SLC25A21: variants seen among roughly 807,000 people sequenced by gnomAD.
SLC25A21 encodes the protein mitochondrial 2-oxodicarboxylate carrier.
In SLC25A21, 47 loss-of-function variants were observed where a neutral mutation model predicts 43.8. That is an observed-to-expected ratio of 1.07 (90% CI 0.85 to 1.37). The LOEUF (loss-of-function observed/expected upper bound fraction) is 1.37, where lower values mean the gene tolerates loss of function less well. Among genes scored for constraint, SLC25A21 ranks in the 40% most tolerant of loss-of-function variants. SLC25A21 has a pLI of 0.00. For synonymous variants in SLC25A21, 131 were observed against 121.3 expected, an observed-to-expected ratio of 1.08 and a Z score of -0.52; for missense variants, 352 against 350.2, an observed-to-expected ratio of 1.00 and a Z score of -0.04.
At chr14:36,683,167 G>A (rs776979350) in intron 9 of SLC25A21, among the ~76,000 whole-genome samples, 12 of 152,330 alleles carry the variant, frequency 7.9e-5, no homozygotes, top group Non-Finnish European at 1.2e-4. Flanking sequence ...ATTTGCCCTG[G>A]CGGTTGAGTC....
At chr14:36,748,091 G>C (rs1436716745) in intron 3 of SLC25A21, among the ~76,000 whole-genome samples, 1 of 152,226 alleles carries the variant, frequency 6.6e-6, no homozygotes, top group African/African-American at 2.4e-5. Flanking sequence ...GAAACAGCTA[G>C]TAAGTGATGG....
intron 1 of SLC25A21, among the ~76,000 whole-genome samples, chr14:37,026,594 A>G (rs1253601451): frequency 6.6e-6 from 1 of 152,202 alleles, no homozygotes; most frequent in Non-Finnish European, 1.5e-5. Context: ...TATGTGAAGG[A>G]AAACAAAGTG....
At chr14:36,965,650 G>A (rs988403941) in intron 1 of SLC25A21, among the ~76,000 whole-genome samples, 1 of 152,038 alleles carries the variant, frequency 6.6e-6, no homozygotes, top group South Asian at 2.1e-4. Context: ...GAATATTCTG[G>A]AGTGAGTTCA....
At chr14:36,961,366 C>T (rs557092116) in intron 1 of SLC25A21, among the ~76,000 whole-genome samples, 13 of 152,138 alleles carry the variant, frequency 8.5e-5, no homozygotes, top group African/African-American at 2.9e-4. Context: ...TGCCTGCCAC[C>T]GCGCCCAGCT....
chr14:36,732,800 G>C (rs893049603), intron 4 of SLC25A21, among the ~76,000 whole-genome samples: 4 of 152,076 alleles, frequency 2.6e-5, no homozygotes, highest in Admixed American at 2.6e-4. Flanking sequence ...TTCATAAATT[G>C]TGTTGAAAAA....
chr14:36,731,878 C>T (rs1884840128), intron 4 of SLC25A21, among the ~76,000 whole-genome samples: 1 of 152,276 alleles, frequency 6.6e-6, no homozygotes, highest in South Asian at 2.1e-4. Flanking sequence ...TCCTTCTCAA[C>T]CCAGGGAGTC....
chr14:37,160,469 A>G (rs752105469), intron 1 of SLC25A21, among the ~76,000 whole-genome samples: 7 of 152,210 alleles, frequency 4.6e-5, no homozygotes, highest in Non-Finnish European at 7.3e-5. Flanking sequence ...GCCAGGCACA[A>G]AAAGACAAAT....
intron 1 of SLC25A21, among the ~76,000 whole-genome samples, chr14:37,013,085 T>G (rs1960768239): frequency 6.6e-6 from 1 of 152,148 alleles, no homozygotes. Context: ...ATAATTGGAG[T>G]AGCATTTGAA....
chr14:36,689,006 G>A (rs1205414320), intron 7 of SLC25A21, among the ~76,000 whole-genome samples: 1 of 152,200 alleles, frequency 6.6e-6, no homozygotes, highest in African/African-American at 2.4e-5. Context: ...GAAATTCGAA[G>A]CAATGCTTCT....
chr14:36,777,225 T>G (rs1173318100), intron 3 of SLC25A21, among the ~76,000 whole-genome samples: 1 of 152,098 alleles, frequency 6.6e-6, no homozygotes, highest in African/African-American at 2.4e-5. Flanking sequence ...GCCACTGCAC[T>G]TCCGCATGGG....
chr14:36,720,611 C>G (rs1360948633), intron 6 of SLC25A21, among the ~76,000 whole-genome samples: 5 of 152,216 alleles, frequency 3.3e-5, no homozygotes, highest in Non-Finnish European at 5.9e-5. Flanking sequence ...ACTGAAAAGG[C>G]TGAAAATGAG....
chr14:36,874,987 G>T lies in SLC25A21; in HGVS notation c.88C>A (p.Leu30Met). 1 of 1,608,358 alleles carries T rather than the reference G, an allele frequency of 6.2e-7. No homozygotes were observed. Among genetic ancestry groups the T allele is most frequent in the Non-Finnish European group, 8.5e-7 (1 of 1,177,892 alleles). Reference sequence around the variant, plus strand: ...TTCACCACATCTAGGGGGTGCATCAGGCAAATTTCTACAAGACCTGAAAGA... The same window carrying T: ...TTCACCACATCTAGGGGGTGCATCATGCAAATTTCTACAAGACCTGAAAGA... ...GGSAGLVEIC[L>M]MHPLDVVKTR... Residue 30 changes from leucine (L) to methionine (M), a missense_variant, in exon 2 of 10, where the codon CTG becomes ATG. Physicochemically the swap from Leu to Met is conservative, Grantham distance 15. Coordinates refer to ENST00000331299, the MANE Select transcript of SLC25A21 (RefSeq NM_030631.4).
intron 1 of SLC25A21, among the ~76,000 whole-genome samples, chr14:36,908,359 T>TA (rs1383498570): frequency 6.6e-6 from 1 of 152,110 alleles, no homozygotes; most frequent in African/African-American, 2.4e-5. Context: ...AAAACTTCCC[T>TA]AAAAAGTCAT....
chr14:36,838,658 G>T (rs932587744), intron 2 of SLC25A21, among the ~76,000 whole-genome samples: 25 of 152,274 alleles, frequency 1.6e-4, no homozygotes, highest in Admixed American at 5.2e-4. Flanking sequence ...GGGAGTGGGG[G>T]AAATGTTGAT....
intron 1 of SLC25A21, among the ~76,000 whole-genome samples, chr14:37,027,450 G>A (rs1412415728): frequency 6.6e-6 from 1 of 152,104 alleles, no homozygotes; most frequent in African/African-American, 2.4e-5. Flanking sequence ...GAATACTGAT[G>A]ATGAGCTTTG....
intron 1 of SLC25A21, among the ~76,000 whole-genome samples, chr14:37,009,760 G>A (rs1314799553): frequency 6.6e-6 from 1 of 152,256 alleles, no homozygotes. Context: ...GTAACATCTT[G>A]ACATCATCTA....
chr14:37,047,183 T>C (rs895342053), intron 1 of SLC25A21, among the ~76,000 whole-genome samples: 1 of 152,186 alleles, frequency 6.6e-6, no homozygotes, highest in Non-Finnish European at 1.5e-5. Flanking sequence ...GGTGGGGTTG[T>C]ATTGATTCAA....
intron 1 of SLC25A21, among the ~76,000 whole-genome samples, chr14:37,115,917 G>A (rs888648139): frequency 1.1e-4 from 16 of 152,068 alleles, no homozygotes; most frequent in African/African-American, 2.9e-4. Context: ...AAGATTAAAC[G>A]TTTCTTCTAC....
intron 1 of SLC25A21, among the ~76,000 whole-genome samples, chr14:37,030,610 C>A (rs1275622207): frequency 6.6e-6 from 1 of 152,118 alleles, no homozygotes; most frequent in African/African-American, 2.4e-5. Context: ...TTCTTTTTGA[C>A]AGAATTCCCG....
Sources: gnomAD v4.1 joint callset for allele counts (sites outside exome capture counted in the v4.1 genomes callset) on GRCh38, gnomAD v4.1.1 for gene constraint, MANE v1.5 for transcripts, NCBI Gene and HGNC (gene_info 2026-07-23, HGNC 2026-07-21) for gene names.